EDAR: variants seen among roughly 807,000 people sequenced by gnomAD.
The protein encoded by EDAR is tumor necrosis factor receptor superfamily member EDAR.
A neutral mutation model predicts 51.3 loss-of-function variants in EDAR; 38 were observed. The observed-to-expected ratio is 0.74, with a 90% CI of 0.57 to 0.97. The LOEUF (loss-of-function observed/expected upper bound fraction) is 0.97, where lower values mean the gene tolerates loss of function less well. Ranked by LOEUF, EDAR falls within the 50% of genes least tolerant of loss-of-function variation. The pLI is 0.00. For missense variants in EDAR, 528 were observed against 595.0 expected, an observed-to-expected ratio of 0.89 and a Z score of 1.17; for synonymous variants, 227 against 242.1, an observed-to-expected ratio of 0.94 and a Z score of 0.58.
At chr2:108,988,090 C>T (rs1035861957) in intron 1 of EDAR, among the ~76,000 whole-genome samples, 5 of 152,214 alleles carry the variant, frequency 3.3e-5, no homozygotes, top group Non-Finnish European at 7.3e-5. Context: ...CCGTACGTCT[C>T]CTCACATGCG....
intron 11 of EDAR, 146 bp from the exon 12 acceptor site, chr2:108,897,375 T>C (rs1696620393): frequency 6.3e-6 from 5 of 796,438 alleles, no homozygotes; most frequent in East Asian, 2.7e-5. Flanking sequence ...CTAAAACAAA[T>C]GCATAACTTA....
intron 5 of EDAR, among the ~76,000 whole-genome samples, chr2:108,918,309 T>C (rs527717077): frequency 6.6e-6 from 1 of 152,346 alleles, no homozygotes; most frequent in East Asian, 1.9e-4. Flanking sequence ...GGATTAACTC[T>C]GCACTAACCA....
At chr2:108,902,631 C>A (rs1474471610) in intron 11 of EDAR, among the ~76,000 whole-genome samples, 1 of 152,064 alleles carries the variant, frequency 6.6e-6, no homozygotes, top group African/African-American at 2.4e-5. Flanking sequence ...AATGCAAAAT[C>A]CTTAACAAAA....
chr2:108,962,544 G>A (rs1387725934), intron 1 of EDAR, among the ~76,000 whole-genome samples: 15 of 151,812 alleles, frequency 9.9e-5, no homozygotes, highest in Admixed American at 6.5e-5. Context: ...GCGTGGTGGC[G>A]GGCGCCTGTA....
At chr2:108,907,806 G>A (rs763044040) in intron 10 of EDAR, 54 bp downstream of exon 10, 22 of 1,603,170 alleles carry the variant, frequency 1.4e-5, no homozygotes, top group Admixed American at 5.0e-5. Context: ...TTAGTCTTGC[G>A]GCTGTGAGGG....
At chr2:108,906,166 C>T in intron 11 of EDAR, 142 bp downstream of exon 11, 1 of 798,548 alleles carries the variant, frequency 1.3e-6, no homozygotes, top group Non-Finnish European at 2.2e-6. Flanking sequence ...GAAATAGTTT[C>T]CAGCGGCCAT....
intron 1 of EDAR, among the ~76,000 whole-genome samples, chr2:108,938,723 G>A (rs2105466765): frequency 6.6e-6 from 1 of 151,968 alleles, no homozygotes; most frequent in Admixed American, 6.6e-5. Context: ...GGTGAAATCA[G>A]AAAAGTTATC....
At chr2:108,901,683 A>G (rs973247683) in intron 11 of EDAR, among the ~76,000 whole-genome samples, 2 of 152,258 alleles carry the variant, frequency 1.3e-5, no homozygotes. Context: ...AACTCTACAC[A>G]TATAAATTTG....
Position 108,973,853 on chromosome 2 carries a change from A to G in EDAR, c.-19+15107T>C, listed in dbSNP as rs1207730237. Among the ~76,000 whole-genome samples, 8 of 152,324 alleles carry G rather than the reference A, an allele frequency of 5.3e-5. No homozygotes were observed. In the East Asian group the frequency reaches 1.2e-3, roughly 22 times the overall value. On this transcript the variant is annotated intron_variant, in intron 1 of 11. Coordinates refer to ENST00000258443, the MANE Select transcript of EDAR (RefSeq NM_022336.4). ...GACTTTTGGTTTTATGTAAATAACA[A>G]CATTTCTTGGGATTCAAGATGAGGA...
intron 1 of EDAR, among the ~76,000 whole-genome samples, chr2:108,933,689 G>A (rs1352765994): frequency 6.6e-6 from 1 of 152,194 alleles, no homozygotes; most frequent in Non-Finnish European, 1.5e-5. Flanking sequence ...CAAGATTGAG[G>A]AGCCAGCCAC....
At chr2:108,936,866 C>A (rs537164943) in intron 1 of EDAR, among the ~76,000 whole-genome samples, 1 of 152,222 alleles carries the variant, frequency 6.6e-6, no homozygotes, top group Admixed American at 6.5e-5. Flanking sequence ...GGGAGTCCCT[C>A]CTGCCCCATG....
intron 1 of EDAR, among the ~76,000 whole-genome samples, chr2:108,954,112 C>T (rs530151471): frequency 1.1e-4 from 16 of 152,224 alleles, no homozygotes; most frequent in Admixed American, 4.6e-4. Flanking sequence ...GGAAAAGTAA[C>T]GCACCTTATC....
At chr2:108,923,802 G>C (rs990289058) in intron 4 of EDAR, among the ~76,000 whole-genome samples, 3 of 152,180 alleles carry the variant, frequency 2.0e-5, no homozygotes, top group African/African-American at 7.2e-5. Flanking sequence ...GCCCCCCAGG[G>C]GTCACACCAA....
At chr2:108,988,653 G>A (rs538302953) in intron 1 of EDAR, among the ~76,000 whole-genome samples, 1 of 152,256 alleles carries the variant, frequency 6.6e-6, no homozygotes, top group East Asian at 1.9e-4. Context: ...CACGCTCCCT[G>A]GAGGAACCCG....
chr2:108,897,869 T>C (rs1392090874), intron 11 of EDAR, among the ~76,000 whole-genome samples: 1 of 152,096 alleles, frequency 6.6e-6, no homozygotes, highest in Non-Finnish European at 1.5e-5. Context: ...GTAAAACAAA[T>C]ACAAGAAGTC....
Position 108,894,663 on chromosome 2 carries a change from G to T in EDAR, c.*2244C>A, listed in dbSNP as rs1389259483. On this transcript the variant is annotated 3_prime_UTR_variant, in exon 12 of 12. Coordinates refer to ENST00000258443, the MANE Select transcript of EDAR (RefSeq NM_022336.4). ...ACAAAAATGGCAGGATGGAGTCCCA[G>T]CTTTGGTCAGTGAGAATTATTATGA... 1.3e-5 allele frequency: 2 copies of T among 152,512 alleles called. No individual in the cohort carries two copies. The highest frequency in any genetic ancestry group is 2.9e-5 in the Non-Finnish European group (2 of 68,028). 9.4% of individuals were successfully genotyped at this position (152,512 alleles called of 1,614,324 possible).
chr2:108,896,250 T>C lies in EDAR; in HGVS notation c.*657A>G, dbSNP rs1696587127. 1 of 152,464 alleles carries C rather than the reference T, an allele frequency of 6.6e-6. No homozygotes were observed. Among genetic ancestry groups the C allele is most frequent in the Admixed American group, 6.5e-5 (1 of 15,300 alleles). The allele number at this position is 152,464 out of a possible 1,614,324, so 9.4% of individuals were successfully genotyped here. On this transcript the variant is annotated 3_prime_UTR_variant, in exon 12 of 12. Transcript: ENST00000258443. The stretch of plus-strand genomic sequence containing the variant: ...GTAAGAATATGGATGACCTCAAGGA[T>C]AGGTAAAAAGTTATCCTAATGAAAC...
intron 1 of EDAR, among the ~76,000 whole-genome samples, chr2:108,939,165 A>G (rs190100445): frequency 1.4e-4 from 22 of 151,762 alleles, no homozygotes; most frequent in Admixed American, 1.2e-3. Flanking sequence ...TACACATGCC[A>G]CTCATCCTTC....
rs769878757 is a variant in EDAR at position 108,907,926 on chromosome 2, C to T, written c.897G>A (p.Glu299=). 8 of 1,613,598 alleles carry T rather than the reference C, an allele frequency of 5.0e-6. No individual in the cohort carries two copies. Among genetic ancestry groups the T allele is most frequent in the Non-Finnish European group, 6.8e-6 (8 of 1,180,040 alleles). ...EPAPDKQGSP[E]LCLLSLVHLA... is the part of the protein sequence containing the mutation. ...GGTGAACCAGCGACAGCAGGCACAGCTCCGGGGAGCCCTGCTTGTCAGGGG... is the reference window on the plus strand; with the variant it reads ...GGTGAACCAGCGACAGCAGGCACAGTTCCGGGGAGCCCTGCTTGTCAGGGG... Residue 299 remains glutamate (E), a synonymous_variant, in exon 10 of 12, where the codon GAG becomes GAA. Coordinates refer to ENST00000258443, the MANE Select transcript of EDAR (RefSeq NM_022336.4).
Sources: allele counts gnomAD v4.1 joint callset (sites outside exome capture counted in the v4.1 genomes callset), GRCh38; gene constraint gnomAD v4.1.1; transcripts MANE v1.5; gene names NCBI Gene and HGNC (gene_info 2026-07-23, HGNC 2026-07-21).